ZFPM2: variants seen among roughly 807,000 people sequenced by gnomAD.
ZFPM2 encodes zinc finger protein, FOG family member 2.
ZFPM2 carries 20 observed loss-of-function variants against 98.6 expected under a neutral mutation model. The ratio of observed to expected loss-of-function variants is 0.20; its 90% CI spans 0.14 to 0.29. The LOEUF (loss-of-function observed/expected upper bound fraction) is 0.29, where lower values mean the gene tolerates loss of function less well. Among genes scored for constraint, ZFPM2 ranks in the 10% least tolerant of loss-of-function variants. The pLI is 1.00. For synonymous variants in ZFPM2, 518 were observed against 502.7 expected, an observed-to-expected ratio of 1.03 and a Z score of -0.41; for missense variants, 1,310 against 1,388.6, an observed-to-expected ratio of 0.94 and a Z score of 0.90.
intron 4 of ZFPM2, chr8:105,616,685 G>T (rs1361356030): frequency 4.2e-5 from 16 of 381,426 alleles, no homozygotes; most frequent in South Asian, 1.4e-4. Flanking sequence ...ATAATAATAA[G>T]GTAACCAACG....
chr8:105,408,179 GCT>G (rs1261259828), intron 1 of ZFPM2, among the ~76,000 whole-genome samples: 1 of 151,890 alleles, frequency 6.6e-6, no homozygotes, highest in Non-Finnish European at 1.5e-5. Flanking sequence ...CACCCTACCC[GCT>G]CTCCTAATTC....
At chr8:105,720,611 G>T (rs902242155) in intron 5 of ZFPM2, among the ~76,000 whole-genome samples, 1 of 151,812 alleles carries the variant, frequency 6.6e-6, no homozygotes, top group African/African-American at 2.4e-5. Context: ...AATTGGAAAA[G>T]AACATCTCTG....
chr8:105,610,624 G>A (rs946193932), intron 4 of ZFPM2, among the ~76,000 whole-genome samples: 2 of 151,960 alleles, frequency 1.3e-5, no homozygotes, highest in African/African-American at 2.4e-5. Context: ...GTATATTGGG[G>A]GCTCTGTGGC....
chr8:105,800,085 C>A (rs1222106492), intron 7 of ZFPM2, among the ~76,000 whole-genome samples: 1 of 151,772 alleles, frequency 6.6e-6, no homozygotes, highest in Admixed American at 6.6e-5. Flanking sequence ...TACAGGGGTC[C>A]TTTAAGCTAA....
intron 4 of ZFPM2, among the ~76,000 whole-genome samples, chr8:105,577,536 ATAT>A (rs957635415): frequency 2.0e-5 from 3 of 152,014 alleles, no homozygotes; most frequent in Non-Finnish European, 4.4e-5. Flanking sequence ...CATAGTTTAG[ATAT>A]TATAAATATT....
At chr8:105,451,196 G>A (rs561558190) in intron 3 of ZFPM2, among the ~76,000 whole-genome samples, 1 of 152,262 alleles carries the variant, frequency 6.6e-6, no homozygotes, top group Admixed American at 6.5e-5. Flanking sequence ...AGAAATTCAA[G>A]TTAAAGATAA....
chr8:105,326,192 A>G (rs1812112075), intron 1 of ZFPM2, among the ~76,000 whole-genome samples: 1 of 151,746 alleles, frequency 6.6e-6, no homozygotes, highest in African/African-American at 2.4e-5. Flanking sequence ...ATGCCTTTGG[A>G]GAATTCCTAC....
chr8:105,720,808 C>T (rs912145532), intron 5 of ZFPM2, among the ~76,000 whole-genome samples: 3 of 151,812 alleles, frequency 2.0e-5, no homozygotes, highest in Non-Finnish European at 4.4e-5. Flanking sequence ...TGAAATAAAC[C>T]TCAGCTCACT....
At chr8:105,364,368 T>C (rs1979451) in intron 1 of ZFPM2, among the ~76,000 whole-genome samples, 33,629 of 151,924 alleles carry the variant, frequency 0.22, 4,913 homozygotes, top group East Asian at 0.5. Context: ...AGGAGTGAGA[T>C]ATTTACATTC....
At chr8:105,348,735 C>G (rs1421217477) in intron 1 of ZFPM2, among the ~76,000 whole-genome samples, 2 of 152,096 alleles carry the variant, frequency 1.3e-5, no homozygotes, top group Admixed American at 1.3e-4. Context: ...AGATGATTGA[C>G]ATATTAGATA....
At chr8:105,339,608 G>A (rs1230740109) in intron 1 of ZFPM2, among the ~76,000 whole-genome samples, 1 of 151,860 alleles carries the variant, frequency 6.6e-6, no homozygotes, top group Non-Finnish European at 1.5e-5. Flanking sequence ...TTGTGTGTCT[G>A]TTCGGATTGA....
Position 105,762,038 on chromosome 8 carries a change from C to T in ZFPM2, c.533-26680C>T, listed in dbSNP as rs373531800. Among the ~76,000 whole-genome samples, 50 of 151,862 alleles carry T rather than the reference C, an allele frequency of 3.3e-4. No individual in the cohort carries two copies. In the South Asian group the frequency reaches 8.3e-3, roughly 25 times the overall value. On this transcript the variant is annotated intron_variant, in intron 5 of 7. Coordinates refer to ENST00000407775, the MANE Select transcript of ZFPM2 (RefSeq NM_012082.4). ...ATGTATTATATATGTTAATTCATAG[C>T]ATAAGTTAATTCATAATTCATAGCT...
At chr8:105,493,949 C>T (rs1460032710) in intron 3 of ZFPM2, among the ~76,000 whole-genome samples, 1 of 151,812 alleles carries the variant, frequency 6.6e-6, no homozygotes, top group Non-Finnish European at 1.5e-5. Flanking sequence ...TCTCTGACCT[C>T]CAAAACAACC....
At chr8:105,394,095 G>A (rs1214991073) in intron 1 of ZFPM2, among the ~76,000 whole-genome samples, 1 of 151,868 alleles carries the variant, frequency 6.6e-6, no homozygotes, top group Non-Finnish European at 1.5e-5. Flanking sequence ...GGGTTTCACC[G>A]TGTTAGCCAG....
intron 4 of ZFPM2, among the ~76,000 whole-genome samples, chr8:105,572,490 A>T (rs1415444318): frequency 1.3e-5 from 2 of 151,408 alleles, no homozygotes; most frequent in Non-Finnish European, 3.0e-5. Context: ...TTTTTGAGAC[A>T]GAGTTTTGCT....
At chr8:105,406,802 A>T (rs755381725) in intron 1 of ZFPM2, among the ~76,000 whole-genome samples, 2 of 152,040 alleles carry the variant, frequency 1.3e-5, no homozygotes, top group Admixed American at 1.3e-4. Context: ...TAATGTACAT[A>T]GGGGAGGCCT....
At chr8:105,711,675 T>A (rs1811403861) in intron 5 of ZFPM2, among the ~76,000 whole-genome samples, 1 of 152,016 alleles carries the variant, frequency 6.6e-6, no homozygotes, top group Non-Finnish European at 1.5e-5. Flanking sequence ...CCCCCAGAAG[T>A]GTGTCTTTCA....
intron 3 of ZFPM2, among the ~76,000 whole-genome samples, chr8:105,512,411 A>G (rs1279919005): frequency 2.0e-5 from 3 of 152,206 alleles, no homozygotes; most frequent in African/African-American, 4.8e-5. Context: ...TGAACGCTGT[A>G]TTCTTTTGTA....
In ZFPM2 at chr8:105,318,812, T is replaced by C. The variant is rs1811957974; in HGVS notation, c.-130T>C. The C allele has an allele frequency of 2.7e-6, 1 of 365,604 alleles. No individual in the cohort carries two copies. Among genetic ancestry groups the C allele is most frequent in the Non-Finnish European group, 3.8e-6 (1 of 265,910 alleles). 22.6% of individuals were successfully genotyped at this position (365,604 alleles called of 1,614,324 possible). A position where few individuals can be genotyped will look rare whatever the true frequency, so the allele number is the denominator to read the frequency against. On this transcript the variant is annotated 5_prime_UTR_variant, in exon 1 of 8. Transcript: ENST00000407775. ...GGAGGAGCCCAGCGCCCGGAGCACC[T>C]GGAGTCCGGCCGGCGGCGGGCCGAG... is the stretch of plus-strand genomic sequence containing the variant.
Sources: allele counts gnomAD v4.1 joint callset (sites outside exome capture counted in the v4.1 genomes callset), GRCh38; gene constraint gnomAD v4.1.1; transcripts MANE v1.5; gene names NCBI Gene and HGNC (gene_info 2026-07-23, HGNC 2026-07-21).